RARB: variants seen among roughly 807,000 people sequenced by gnomAD.
The protein encoded by RARB is HBV-activated protein.
In RARB, 17 loss-of-function variants were observed where a neutral mutation model predicts 51.9. The observed-to-expected ratio is 0.33, with a 90% CI of 0.22 to 0.49. RARB has a LOEUF of 0.49. Among genes scored for constraint, RARB ranks in the 20% least tolerant of loss-of-function variants. The probability of loss-of-function intolerance (pLI) is 0.99; values close to 1 mark genes in which losing one functional copy is unlikely to be tolerated. For synonymous variants in RARB, 215 were observed against 195.4 expected (o/e 1.10, Z -0.84); for missense variants, 369 against 550.8 (o/e 0.67, Z 3.30).
chr3:25,062,735 G>T (rs2125304518), intron 3 of RARB, among the ~76,000 whole-genome samples: 1 of 152,040 alleles, frequency 6.6e-6, no homozygotes, highest in Middle Eastern at 3.4e-3. Flanking sequence ...ACAGAAAGTG[G>T]CTTATTGGTT....
At chr3:25,551,028 A>G (rs1461855463) in intron 3 of RARB, among the ~76,000 whole-genome samples, 3 of 152,200 alleles carry the variant, frequency 2.0e-5, no homozygotes, top group South Asian at 2.1e-4. Context: ...CATTTAGTCT[A>G]TAGAACTGAC....
chr3:25,008,571 C>A (rs1003970170), intron 2 of RARB, among the ~76,000 whole-genome samples: 12 of 152,116 alleles, frequency 7.9e-5, no homozygotes, highest in African/African-American at 2.9e-4. Context: ...ATTGGGCTCA[C>A]CTCAGTAAGA....
chr3:25,111,585 T>G (rs905855406), intron 3 of RARB, among the ~76,000 whole-genome samples: 3 of 146,806 alleles, frequency 2.0e-5, no homozygotes, highest in Non-Finnish European at 4.5e-5. Flanking sequence ...TAACAGTGGT[T>G]TTTTTTTTTT....
At chr3:24,851,724 A>G (rs901619565) in intron 1 of RARB, among the ~76,000 whole-genome samples, 4 of 152,210 alleles carry the variant, frequency 2.6e-5, no homozygotes, top group African/African-American at 9.6e-5. Flanking sequence ...ATTGCTATGA[A>G]GTATGTTTCA....
At chr3:25,120,553 C>CTCTT (rs1559473676) in intron 3 of RARB, among the ~76,000 whole-genome samples, 1 of 151,744 alleles carries the variant, frequency 6.6e-6, no homozygotes, top group Admixed American at 6.6e-5. Flanking sequence ...CTCTCTCTCT[C>CTCTT]TCTCTCTCTC....
chr3:25,103,985 G>A (rs1305721792), intron 3 of RARB, among the ~76,000 whole-genome samples: 2 of 152,174 alleles, frequency 1.3e-5, no homozygotes, highest in Non-Finnish European at 2.9e-5. Flanking sequence ...GCCGCATATT[G>A]TGAAAGTGTG....
At chr3:25,431,054 G>T (rs1708187852) in intron 1 of RARB, among the ~76,000 whole-genome samples, 1 of 149,096 alleles carries the variant, frequency 6.7e-6, no homozygotes, top group Non-Finnish European at 1.5e-5. Flanking sequence ...TTGGTTCAGG[G>T]TGGTACAGCT....
At chr3:25,201,520 G>C (rs1198416770) in intron 5 of RARB, among the ~76,000 whole-genome samples, 1 of 152,216 alleles carries the variant, frequency 6.6e-6, no homozygotes, top group African/African-American at 2.4e-5. Flanking sequence ...GTTTTCAAAG[G>C]GAATGCTTCC....
At chr3:25,108,433 C>T (rs185562045) in intron 3 of RARB, among the ~76,000 whole-genome samples, 1 of 152,280 alleles carries the variant, frequency 6.6e-6, no homozygotes, top group Admixed American at 6.5e-5. Flanking sequence ...TTTCCTCTAT[C>T]ACCTGGTATC....
Position 25,146,849 on chromosome 3 carries a change from G to A in RARB, c.-280+14641G>A, listed in dbSNP as rs1305228109. ...TAAGTTCTGAATTCATTCTTTTGGC[G>A]CTTTCAGCTTTTTCGCTAAGCTGTC... On this transcript the variant is annotated intron_variant, in intron 4 of 11. Coordinates refer to the RARB transcript ENST00000383772. Among the ~76,000 whole-genome samples the A allele has an allele frequency of 4.6e-5, 7 of 152,068 alleles. No homozygotes were observed. The East Asian group carries it at 5.8e-4, about 13-fold the overall frequency.
At chr3:25,449,927 T>G (rs374347610) in intron 1 of RARB, among the ~76,000 whole-genome samples, 14 of 152,088 alleles carry the variant, frequency 9.2e-5, no homozygotes, top group African/African-American at 3.4e-4. Context: ...TTTGTGTGTA[T>G]TTTTAGTAGA....
chr3:25,469,247 T>C (rs529000565), intron 2 of RARB, among the ~76,000 whole-genome samples: 1 of 152,364 alleles, frequency 6.6e-6, no homozygotes, highest in South Asian at 2.1e-4. Flanking sequence ...ATGTCTGCAC[T>C]TAATTTTAGA....
intron 3 of RARB, among the ~76,000 whole-genome samples, chr3:25,105,823 A>C (rs1032275780): frequency 6.6e-6 from 1 of 152,224 alleles, no homozygotes; most frequent in African/African-American, 2.4e-5. Flanking sequence ...TAAACTCACT[A>C]TCATGAACAT....
chr3:25,463,732 C>T (rs1463913296), intron 2 of RARB, among the ~76,000 whole-genome samples: 3 of 151,324 alleles, frequency 2.0e-5, no homozygotes, highest in African/African-American at 7.3e-5. Flanking sequence ...GTGAGTTTTT[C>T]CCTTCTTTTC....
intron 5 of RARB, among the ~76,000 whole-genome samples, chr3:25,406,866 T>C (rs1220890097): frequency 6.6e-6 from 1 of 152,148 alleles, no homozygotes; most frequent in African/African-American, 2.4e-5. Context: ...GTGAAAAAAA[T>C]TGAGCTCATC....
At chr3:25,041,692 C>T (rs1343162517) in intron 2 of RARB, among the ~76,000 whole-genome samples, 1 of 151,958 alleles carries the variant, frequency 6.6e-6, no homozygotes, top group Non-Finnish European at 1.5e-5. Context: ...TTCTTAAGAA[C>T]ACAGATTGTG....
At chr3:25,250,934 G>T (rs1575257639) in intron 5 of RARB, among the ~76,000 whole-genome samples, 1 of 152,170 alleles carries the variant, frequency 6.6e-6, no homozygotes, top group Non-Finnish European at 1.5e-5. Flanking sequence ...TTTTCCCACA[G>T]TTGGGAACCT....
intron 2 of RARB, among the ~76,000 whole-genome samples, chr3:24,999,880 C>G (rs1697121832): frequency 6.6e-6 from 1 of 152,092 alleles, no homozygotes; most frequent in Non-Finnish European, 1.5e-5. Context: ...TCCAGGATTA[C>G]CACTGTTTTT....
At chr3:25,152,087 G>C (rs1372668308) in intron 4 of RARB, among the ~76,000 whole-genome samples, 1 of 152,120 alleles carries the variant, frequency 6.6e-6, no homozygotes, top group Non-Finnish European at 1.5e-5. Context: ...ATTTACACTT[G>C]AGGCTTGGTA....
Sources: allele counts gnomAD v4.1 joint callset (sites outside exome capture counted in the v4.1 genomes callset), GRCh38; gene constraint gnomAD v4.1.1; transcripts MANE v1.5; gene names NCBI Gene and HGNC (gene_info 2026-07-23, HGNC 2026-07-21).